Variants in RTN1 observed in about 807,000 individuals in gnomAD.
RTN1 encodes the protein reticulon-1.
A neutral mutation model predicts 65.5 loss-of-function variants in RTN1; 25 were observed. The ratio of observed to expected loss-of-function variants is 0.38; its 90% CI spans 0.28 to 0.53. RTN1 has a LOEUF of 0.53. RTN1 is among the 20% of genes least tolerant of loss of function. RTN1 has a pLI of 0.79. For missense variants in RTN1, 983 were observed against 1,025.4 expected, an observed-to-expected ratio of 0.96 and a Z score of 0.57; for synonymous variants, 471 against 447.6, an observed-to-expected ratio of 1.05 and a Z score of -0.66.
intron 1 of RTN1, among the ~76,000 whole-genome samples, chr14:59,828,266 C>G (rs2139637337): frequency 6.6e-6 from 1 of 152,302 alleles, no homozygotes; most frequent in Middle Eastern, 3.4e-3. Flanking sequence ...ACTCCATGAT[C>G]TAATCATTCT....
At chr14:59,811,010 A>C (rs1227294961) in intron 1 of RTN1, among the ~76,000 whole-genome samples, 1 of 152,180 alleles carries the variant, frequency 6.6e-6, no homozygotes, top group African/African-American at 2.4e-5. Context: ...AATATACTGG[A>C]ACTTCTATAT....
At chr14:59,634,417 A>G (rs539450344) in intron 3 of RTN1, among the ~76,000 whole-genome samples, 2 of 152,238 alleles carry the variant, frequency 1.3e-5, no homozygotes, top group Non-Finnish European at 2.9e-5. Flanking sequence ...TTAAAAGGCA[A>G]CCAGTTTGGC....
intron 1 of RTN1, among the ~76,000 whole-genome samples, chr14:59,833,655 T>C (rs1193856432): frequency 7.2e-5 from 11 of 152,110 alleles, no homozygotes; most frequent in Non-Finnish European, 1.5e-4. Flanking sequence ...TAGTACCCAA[T>C]AGGTAGTTTT....
rs79400363 is a variant in RTN1, at chr14:59,699,383, T to C, written c.1765+27536A>G. On this transcript the variant is annotated intron_variant, in intron 3 of 8. Transcript: ENST00000267484. The stretch of plus-strand genomic sequence containing the variant: ...TACCTTTACTAGGAAATGAAATCAC[T>C]TATCTTTTTCATAAGAGGAAAAGAA... Among the ~76,000 whole-genome samples the C allele has an allele frequency of 4.6e-3, 703 of 152,298 alleles. 5 individuals are homozygous for C. Among genetic ancestry groups the C allele is most frequent in the African/African-American group, 0.016 (679 of 41,582 alleles).
chr14:59,776,789 C>G (rs562575762), intron 1 of RTN1, among the ~76,000 whole-genome samples: 1 of 151,928 alleles, frequency 6.6e-6, no homozygotes, highest in Admixed American at 6.6e-5. Flanking sequence ...CAGGAGGAGG[C>G]GTAAAAAACC....
chr14:59,808,376 C>G (rs531518843), intron 1 of RTN1, among the ~76,000 whole-genome samples: 9 of 152,338 alleles, frequency 5.9e-5, no homozygotes, highest in African/African-American at 2.2e-4. Flanking sequence ...GATTTCCATT[C>G]TTTGGAATCT....
At chr14:59,605,230 A>C in intron 5 of RTN1, 138 bp downstream of exon 5, 1 of 824,460 alleles carries the variant, frequency 1.2e-6, no homozygotes. Flanking sequence ...TCATGGTGCC[A>C]TACAACTGGA....
intron 3 of RTN1, among the ~76,000 whole-genome samples, chr14:59,675,297 G>A (rs1883600486): frequency 6.6e-6 from 1 of 152,042 alleles, no homozygotes; most frequent in Admixed American, 6.6e-5. Context: ...AGAGAGAAAG[G>A]GGAAAATGGA....
intron 3 of RTN1, among the ~76,000 whole-genome samples, chr14:59,715,059 C>A (rs1445593231): frequency 6.6e-6 from 1 of 152,206 alleles, no homozygotes; most frequent in African/African-American, 2.4e-5. Flanking sequence ...CACCCTCCCA[C>A]CTTCCCATGG....
chr14:59,657,569 G>A (rs1245016766), intron 3 of RTN1, among the ~76,000 whole-genome samples: 1 of 152,220 alleles, frequency 6.6e-6, no homozygotes, highest in Non-Finnish European at 1.5e-5. Flanking sequence ...GGACTGGTTA[G>A]ACAGTGGGTG....
intron 1 of RTN1, among the ~76,000 whole-genome samples, chr14:59,832,217 A>G (rs953915002): frequency 6.6e-6 from 1 of 152,226 alleles, no homozygotes; most frequent in Non-Finnish European, 1.5e-5. Flanking sequence ...GAGCTAGAGT[A>G]TGATAAACAA....
chr14:59,743,681 C>T (rs972536157), intron 2 of RTN1, among the ~76,000 whole-genome samples: 2 of 151,898 alleles, frequency 1.3e-5, no homozygotes, highest in Non-Finnish European at 2.9e-5. Flanking sequence ...AACTCCATGT[C>T]CATGCAGCTC....
At chr14:59,703,880 A>T (rs1884233597) in intron 3 of RTN1, among the ~76,000 whole-genome samples, 1 of 152,220 alleles carries the variant, frequency 6.6e-6, no homozygotes, top group Admixed American at 6.5e-5. Context: ...GCTCAGTCAG[A>T]TATTATACAG....
chr14:59,657,030 TA>T (rs1307351161), intron 3 of RTN1, among the ~76,000 whole-genome samples: 3 of 151,930 alleles, frequency 2.0e-5, no homozygotes, highest in Non-Finnish European at 4.4e-5. Context: ...TATAGCAAAA[TA>T]AAAAACAAAA....
At chr14:59,685,045 T>C (rs1224150915) in intron 3 of RTN1, among the ~76,000 whole-genome samples, 5 of 152,182 alleles carry the variant, frequency 3.3e-5, no homozygotes, top group Non-Finnish European at 7.4e-5. Flanking sequence ...ATAAATGTAA[T>C]ACATCACATT....
At chr14:59,647,408 A>G (rs1455997350) in intron 3 of RTN1, among the ~76,000 whole-genome samples, 1 of 152,200 alleles carries the variant, frequency 6.6e-6, no homozygotes, top group Non-Finnish European at 1.5e-5. Context: ...GAAAATTAAC[A>G]AGGATATTTC....
At chr14:59,799,108 C>T (rs1272739966) in intron 1 of RTN1, among the ~76,000 whole-genome samples, 6 of 152,098 alleles carry the variant, frequency 3.9e-5, no homozygotes, top group Admixed American at 6.5e-5. Flanking sequence ...ATTTTAAACA[C>T]GTGATTCGCT....
At chr14:59,812,292 T>C (rs1206225245) in intron 1 of RTN1, among the ~76,000 whole-genome samples, 1 of 152,134 alleles carries the variant, frequency 6.6e-6, no homozygotes, top group Non-Finnish European at 1.5e-5. Flanking sequence ...ATTCAAAAAC[T>C]TCATAAGTGA....
chr14:59,665,791 C>G (rs2140210634), intron 3 of RTN1, among the ~76,000 whole-genome samples: 1 of 152,190 alleles, frequency 6.6e-6, no homozygotes, highest in African/African-American at 2.4e-5. Context: ...GGGTTGCAAT[C>G]CTAGTCTCTG....
Sources: gnomAD v4.1 joint callset for allele counts (sites outside exome capture counted in the v4.1 genomes callset) on GRCh38, gnomAD v4.1.1 for gene constraint, MANE v1.5 for transcripts, NCBI Gene and HGNC (gene_info 2026-07-23, HGNC 2026-07-21) for gene names.